ADCK1: variants seen among roughly 807,000 people sequenced by gnomAD.
ADCK1 encodes aarF domain-containing protein kinase 1.
A neutral mutation model predicts 52.3 loss-of-function variants in ADCK1; 41 were observed. That is an observed-to-expected ratio of 0.78 (90% CI 0.61 to 1.02). The LOEUF (loss-of-function observed/expected upper bound fraction) is 1.02. Among genes scored for constraint, ADCK1 ranks in the 50% least tolerant of loss-of-function variants. The pLI, the probability that ADCK1 is intolerant of heterozygous loss-of-function variation, is 0.00. For missense variants in ADCK1, 658 were observed against 679.5 expected (o/e 0.97, Z 0.35); for synonymous variants, 250 against 274.6 (o/e 0.91, Z 0.89).
chr14:77,900,868 C>T (rs118003737), intron 6 of ADCK1, among the ~76,000 whole-genome samples: 11 of 152,106 alleles, frequency 7.2e-5, no homozygotes, highest in Middle Eastern at 3.2e-3. Flanking sequence ...CAGAACTGTT[C>T]TATGTAATAA....
intron 1 of ADCK1, among the ~76,000 whole-genome samples, chr14:77,805,252 CTTTTTT>C (rs777184096): frequency 6.4e-5 from 4 of 62,316 alleles, no homozygotes; most frequent in East Asian, 4.7e-4. Context: ...GCTTTGCATT[CTTTTTT>C]TTTTTTTTTT....
At chr14:77,856,978 G>C (rs535173057) in intron 3 of ADCK1, among the ~76,000 whole-genome samples, 1 of 151,986 alleles carries the variant, frequency 6.6e-6, no homozygotes, top group Non-Finnish European at 1.5e-5. Context: ...CTCCAGCCTG[G>C]GTGTCTCCAA....
chr14:77,839,306 G>A (rs78400769), intron 3 of ADCK1, among the ~76,000 whole-genome samples: 4,789 of 152,290 alleles, frequency 0.031, 152 homozygotes, highest in South Asian at 0.13. Context: ...AAATGAAAAT[G>A]CTGGGCTCTG....
intron 3 of ADCK1, among the ~76,000 whole-genome samples, chr14:77,823,603 T>TATTC (rs1466560428): frequency 8.5e-6 from 1 of 117,396 alleles, no homozygotes; most frequent in African/African-American, 3.2e-5. Flanking sequence ...TTTATTTATT[T>TATTC]ATTCCATCAC....
At chr14:77,871,607 C>G (rs530821032) in intron 4 of ADCK1, among the ~76,000 whole-genome samples, 2 of 152,264 alleles carry the variant, frequency 1.3e-5, no homozygotes, top group South Asian at 2.1e-4. Context: ...ATCTGCCCAT[C>G]TTGACCTCCC....
chr14:77,929,577 G>A (rs1216060002), intron 9 of ADCK1, among the ~76,000 whole-genome samples: 1 of 152,222 alleles, frequency 6.6e-6, no homozygotes, highest in Non-Finnish European at 1.5e-5. Context: ...CTCAGAGCTA[G>A]CCCTGGCTGA....
intron 5 of ADCK1, among the ~76,000 whole-genome samples, chr14:77,889,653 G>A (rs914905081): frequency 6.6e-6 from 1 of 152,174 alleles, no homozygotes; most frequent in African/African-American, 2.4e-5. Context: ...GGGAGCCTGG[G>A]AAATGGAAGT....
chr14:77,894,670 T>A (rs2083360605), intron 5 of ADCK1, among the ~76,000 whole-genome samples: 1 of 151,802 alleles, frequency 6.6e-6, no homozygotes, highest in South Asian at 2.1e-4. Context: ...ATAATGATAA[T>A]TCCCCTTCTC....
rs1595089421 is a variant in ADCK1, at chr14:77,920,452, T to C, written c.859-4005T>C. The stretch of plus-strand genomic sequence containing the variant: ...TTGGTTCTCTATTCTGTTCCATCGG[T>C]CTACGTGCTTATTTTTATACCAGTA... On this transcript the variant is annotated intron_variant, in intron 7 of 10. Transcript: ENST00000238561. Among the ~76,000 whole-genome samples, 3 of 152,206 alleles carry C rather than the reference T, an allele frequency of 2.0e-5. No individual in the cohort carries two copies. In the South Asian group the frequency reaches 6.2e-4, roughly 31 times the overall value.
chr14:77,900,538 G>A, intron 6 of ADCK1: 1 of 453,544 alleles, frequency 2.2e-6, no homozygotes. Flanking sequence ...AGTGAGCTGA[G>A]ATCATGCCAT....
intron 6 of ADCK1, chr14:77,902,877 A>G (rs997887300): frequency 6.6e-6 from 1 of 152,262 alleles, no homozygotes; most frequent in African/African-American, 2.4e-5. Context: ...ATCAGCCCAT[A>G]TTGCAGAGGA....
chr14:77,876,659 G>A (rs1253618672), intron 4 of ADCK1, among the ~76,000 whole-genome samples: 1 of 152,180 alleles, frequency 6.6e-6, no homozygotes, highest in East Asian at 1.9e-4. Context: ...ATGCGCCCCA[G>A]TAAACCACAG....
chr14:77,845,998 T>C (rs2082165902), intron 3 of ADCK1, among the ~76,000 whole-genome samples: 1 of 152,198 alleles, frequency 6.6e-6, no homozygotes. Flanking sequence ...CAGCTTTTGC[T>C]ATCGTACTTC....
chr14:77,916,292 G>T (rs757478976), intron 7 of ADCK1, among the ~76,000 whole-genome samples: 1 of 151,706 alleles, frequency 6.6e-6, no homozygotes, highest in Non-Finnish European at 1.5e-5. Flanking sequence ...AGAGACTTGA[G>T]GAGGCTCTCT....
intron 5 of ADCK1, among the ~76,000 whole-genome samples, chr14:77,892,615 G>A (rs8009834): frequency 0.11 from 17,240 of 150,706 alleles, 1,251 homozygotes; most frequent in African/African-American, 0.2. Flanking sequence ...TACAAGTAGG[G>A]GACATCCTCA....
intron 2 of ADCK1, among the ~76,000 whole-genome samples, chr14:77,821,841 G>T (rs1027059823): frequency 2.2e-5 from 3 of 134,364 alleles, no homozygotes; most frequent in African/African-American, 8.5e-5. Context: ...AGATCACCGA[G>T]ATCATGCCAG....
chr14:77,825,734 C>T (rs537416784), intron 3 of ADCK1, among the ~76,000 whole-genome samples: 4 of 151,684 alleles, frequency 2.6e-5, no homozygotes, highest in African/African-American at 4.8e-5. Context: ...CTCCGCCTCC[C>T]GGGTTCAAGT....
At chr14:77,850,499 G>A (rs1017053029) in intron 3 of ADCK1, among the ~76,000 whole-genome samples, 3 of 152,090 alleles carry the variant, frequency 2.0e-5, no homozygotes, top group Admixed American at 6.6e-5. Flanking sequence ...AAATGTTTAG[G>A]ATGGTATATC....
chr14:77,848,828 ATT>A (rs61390673), intron 3 of ADCK1, among the ~76,000 whole-genome samples: 41 of 142,352 alleles, frequency 2.9e-4, no homozygotes, highest in Middle Eastern at 3.6e-3. Context: ...CAGTGGTGTA[ATT>A]TTTTTTTTTT....
Sources: gnomAD v4.1 joint callset for allele counts (sites outside exome capture counted in the v4.1 genomes callset) on GRCh38, gnomAD v4.1.1 for gene constraint, MANE v1.5 for transcripts, NCBI Gene and HGNC (gene_info 2026-07-23, HGNC 2026-07-21) for gene names.